CTNNBL1: variants seen among roughly 807,000 people sequenced by gnomAD.
The protein encoded by CTNNBL1 is catenin beta like 1, also known as beta-catenin-like protein 1.
In CTNNBL1, 31 loss-of-function variants were observed where a neutral mutation model predicts 72.7. The ratio of observed to expected loss-of-function variants is 0.43; its 90% CI spans 0.32 to 0.58. The LOEUF (loss-of-function observed/expected upper bound fraction) is 0.58, where lower values mean the gene tolerates loss of function less well. CTNNBL1 is among the 20% of genes least tolerant of loss of function. The probability of loss-of-function intolerance (pLI) is 0.08; values close to 1 mark genes in which losing one functional copy is unlikely to be tolerated. For synonymous variants in CTNNBL1, 240 were observed against 267.3 expected, an observed-to-expected ratio of 0.90 and a Z score of 1.00; for missense variants, 534 against 725.1, an observed-to-expected ratio of 0.74 and a Z score of 3.03.
At chr20:37,818,868 T>G (rs562310115) in intron 11 of CTNNBL1, among the ~76,000 whole-genome samples, 3 of 152,208 alleles carry the variant, frequency 2.0e-5, no homozygotes, top group Non-Finnish European at 2.9e-5. Flanking sequence ...GACCACCTCT[T>G]ATGGACTAGC....
At chr20:37,706,195 GGGT>G (rs1245032192) in intron 1 of CTNNBL1, among the ~76,000 whole-genome samples, 1 of 152,216 alleles carries the variant, frequency 6.6e-6, no homozygotes, top group Middle Eastern at 3.2e-3. Context: ...TGACTGATTA[GGGT>G]GGTGTTTGCT....
chr20:37,761,980 TG>T (rs2122654913), intron 5 of CTNNBL1, among the ~76,000 whole-genome samples: 1 of 152,322 alleles, frequency 6.6e-6, no homozygotes, highest in African/African-American at 2.4e-5. Context: ...CAGACCACGC[TG>T]GGCTCTGTGG....
intron 1 of CTNNBL1, among the ~76,000 whole-genome samples, chr20:37,713,712 G>A (rs1296170946): frequency 1.3e-5 from 2 of 152,178 alleles, no homozygotes; most frequent in Non-Finnish European, 2.9e-5. Context: ...GGGATGGCGT[G>A]TTCCTGAATT....
intron 6 of CTNNBL1, 84 bp downstream of exon 6, chr20:37,765,374 A>G (rs894707835): frequency 1.5e-5 from 13 of 861,948 alleles, no homozygotes; most frequent in Non-Finnish European, 2.5e-5. Context: ...CTTCTTCATA[A>G]TAGAGTCAAT....
intron 10 of CTNNBL1, among the ~76,000 whole-genome samples, chr20:37,788,790 A>G (rs1454782463): frequency 6.6e-6 from 1 of 152,198 alleles, no homozygotes; most frequent in African/African-American, 2.4e-5. Flanking sequence ...CTTCATGCAG[A>G]TTTGTAGTCT....
intron 10 of CTNNBL1, among the ~76,000 whole-genome samples, chr20:37,790,398 A>G (rs1405632776): frequency 6.6e-6 from 1 of 152,138 alleles, no homozygotes; most frequent in African/African-American, 2.4e-5. Flanking sequence ...CAAAAGCAAA[A>G]TTATAATGGA....
chr20:37,714,265 C>T (rs968419679), intron 1 of CTNNBL1, among the ~76,000 whole-genome samples: 11 of 152,132 alleles, frequency 7.2e-5, no homozygotes, highest in Admixed American at 2.6e-4. Context: ...TGAGTAAATG[C>T]TCAATAAATA....
At chr20:37,724,277 C>T (rs1195268589) in intron 1 of CTNNBL1, among the ~76,000 whole-genome samples, 2 of 152,044 alleles carry the variant, frequency 1.3e-5, no homozygotes, top group Non-Finnish European at 2.9e-5. Context: ...CCTCTGTTGC[C>T]CCCTGTCTGA....
At chr20:37,818,759 T>C (rs2072080866) in intron 11 of CTNNBL1, among the ~76,000 whole-genome samples, 1 of 152,130 alleles carries the variant, frequency 6.6e-6, no homozygotes, top group Non-Finnish European at 1.5e-5. Context: ...AGAAAATGAA[T>C]GTGAATATAT....
At chr20:37,704,156 T>A (rs1418689449) in intron 1 of CTNNBL1, among the ~76,000 whole-genome samples, 2 of 152,152 alleles carry the variant, frequency 1.3e-5, no homozygotes, top group African/African-American at 4.8e-5. Context: ...GGTGTTAGGA[T>A]ATGAAAATGA....
rs555644381 is a variant in CTNNBL1, at chr20:37,724,398, A to G, written c.31-8481A>G. Among the ~76,000 whole-genome samples the G allele has an allele frequency of 2.0e-4, 31 of 152,246 alleles. No individual in the cohort carries two copies. The South Asian group carries it at 6.4e-3, about 32-fold the overall frequency. ...TTTTTAAATGTGAGCGAGACTAGAA[A>G]TGTTTTACATTTCCTTAAGGGGGGA... On this transcript the variant is annotated intron_variant, in intron 1 of 15. Coordinates refer to ENST00000361383, the MANE Select transcript of CTNNBL1 (RefSeq NM_030877.5).
intron 15 of CTNNBL1, among the ~76,000 whole-genome samples, chr20:37,865,635 G>C (rs890020012): frequency 1.2e-4 from 19 of 152,178 alleles, no homozygotes; most frequent in Non-Finnish European, 2.2e-4. Context: ...CTGTGGCGTA[G>C]GAGCTGTGAC....
rs1457045385 is a variant in CTNNBL1, at chr20:37,694,030, G to T, written c.-93G>T. Reference sequence around the variant, plus strand: ...TATTGGCTCTGCGGCTCCGCTCGCCGCACTTTACGGCAGTGTGGCTGGAGC... The same window carrying T: ...TATTGGCTCTGCGGCTCCGCTCGCCTCACTTTACGGCAGTGTGGCTGGAGC... On this transcript the variant is annotated 5_prime_UTR_variant, in exon 1 of 16. Transcript: ENST00000361383. 2.1e-6 allele frequency: 3 copies of T among 1,411,396 alleles called. No individual in the cohort carries two copies. The highest frequency in any genetic ancestry group is 4.1e-5 in the Admixed American group (2 of 48,430). 87.4% of individuals were successfully genotyped at this position (1,411,396 alleles called of 1,614,324 possible).
At chr20:37,721,429 TAATC>T (rs900834607) in intron 1 of CTNNBL1, among the ~76,000 whole-genome samples, 54 of 152,210 alleles carry the variant, frequency 3.5e-4, no homozygotes, top group Admixed American at 2.0e-4. Flanking sequence ...TATAAACCCT[TAATC>T]AACAGTAACA....
At chr20:37,822,407 T>C (rs998697367) in intron 11 of CTNNBL1, among the ~76,000 whole-genome samples, 1 of 152,230 alleles carries the variant, frequency 6.6e-6, no homozygotes, top group African/African-American at 2.4e-5. Flanking sequence ...TGGAGAGCTC[T>C]TTCCTTGGGA....
chr20:37,748,456 A>T (rs2073287907), intron 4 of CTNNBL1, among the ~76,000 whole-genome samples: 1 of 152,166 alleles, frequency 6.6e-6, no homozygotes, highest in African/African-American at 2.4e-5. Flanking sequence ...CATGAAATTC[A>T]TTCAGTAGAG....
chr20:37,714,850 T>C (rs1568747749), intron 1 of CTNNBL1, among the ~76,000 whole-genome samples: 1 of 152,330 alleles, frequency 6.6e-6, no homozygotes, highest in East Asian at 1.9e-4. Context: ...ACAACACTGC[T>C]ACCCCACATC....
In CTNNBL1 at chr20:37,859,915, G is replaced by C; in HGVS notation, c.1409G>C (p.Gly470Ala). The change falls in exon 14 of 16, where the codon GGA (glycine) becomes GCA (alanine). Residue 470 changes from glycine (G) to alanine (A), a missense_variant. Transcript: ENST00000361383. ...TGTTTCTAGGACATGGTCCGGCGAG[G>C]AGAGATCATCGACAATGACACCGAG... ...EGEKHDMVRRGEIIDNDTEEE... is the reference protein window; with the variant it reads ...EGEKHDMVRRAEIIDNDTEEE... The C allele has an allele frequency of 6.2e-7, 1 of 1,614,192 alleles. No homozygotes were observed. The highest frequency in any genetic ancestry group is 8.5e-7 in the Non-Finnish European group (1 of 1,180,034).
intron 1 of CTNNBL1, among the ~76,000 whole-genome samples, chr20:37,700,827 A>G (rs1444397858): frequency 6.6e-6 from 1 of 152,168 alleles, no homozygotes; most frequent in Non-Finnish European, 1.5e-5. Context: ...TTTTGAGGCA[A>G]ATTTGAGGCT....
Sources: allele counts gnomAD v4.1 joint callset (sites outside exome capture counted in the v4.1 genomes callset), GRCh38; gene constraint gnomAD v4.1.1; transcripts MANE v1.5; gene names NCBI Gene and HGNC (gene_info 2026-07-23, HGNC 2026-07-21).